The following SATB2 variants were observed in gnomAD, a reference collection of about 807,000 sequenced individuals.
SATB2 encodes DNA-binding protein SATB2.
Under a neutral mutation model 73.4 loss-of-function variants are expected in SATB2, and 1 was observed. The ratio of observed to expected loss-of-function variants is 0.01; its 90% CI spans 0.00 to 0.06. The LOEUF (loss-of-function observed/expected upper bound fraction) is 0.06, where lower values mean the gene tolerates loss of function less well. Ranked by LOEUF, SATB2 falls within the 10% of genes least tolerant of loss-of-function variation. The pLI, the probability that SATB2 is intolerant of heterozygous loss-of-function variation, is 1.00. For missense variants in SATB2, 459 were observed against 945.8 expected (o/e 0.49, Z 6.75); for synonymous variants, 397 against 367.0 (o/e 1.08, Z -0.93).
chr2:199,424,100 T>C (rs1691256430), intron 3 of SATB2, among the ~76,000 whole-genome samples: 1 of 152,222 alleles, frequency 6.6e-6, no homozygotes, highest in African/African-American at 2.4e-5. Context: ...GGCAGACAGA[T>C]AGAGGAAGAA....
intron 5 of SATB2, among the ~76,000 whole-genome samples, chr2:199,369,482 GTTAATACAGTATGTTTGGGCCAACAT>G (rs1188379360): frequency 1.8e-4 from 28 of 152,128 alleles, no homozygotes; most frequent in East Asian, 5.8e-4. Flanking sequence ...CAGAGATGCA[GTTAATACAGTATGTTTGGGCCAACAT>G]TTGTGGCAGA....
At chr2:199,300,297 A>G (rs1053392507) in intron 10 of SATB2, among the ~76,000 whole-genome samples, 5 of 152,070 alleles carry the variant, frequency 3.3e-5, no homozygotes, top group African/African-American at 9.6e-5. Flanking sequence ...CAAATTCCAA[A>G]GCAATATTAA....
At chr2:199,437,176 G>C (rs907241614) in intron 2 of SATB2, among the ~76,000 whole-genome samples, 2 of 152,128 alleles carry the variant, frequency 1.3e-5, no homozygotes, top group Non-Finnish European at 2.9e-5. Context: ...ATCTAGTAGA[G>C]AACTTTGAAC....
intron 10 of SATB2, among the ~76,000 whole-genome samples, chr2:199,273,137 A>C (rs989940610): frequency 6.6e-6 from 1 of 152,212 alleles, no homozygotes; most frequent in Non-Finnish European, 1.5e-5. Context: ...TTCATCATCC[A>C]TAAAAGTAGG....
At chr2:199,395,915 T>G (rs1418738652) in intron 3 of SATB2, 1 of 152,198 alleles carries the variant, frequency 6.6e-6, no homozygotes, top group Non-Finnish European at 1.5e-5. Context: ...CGTATGTATT[T>G]TGGGTGTAGC....
Position 199,411,542 on chromosome 2 carries a change from G to A in SATB2, c.346+21796C>T, listed in dbSNP as rs1208672180. Among the ~76,000 whole-genome samples the A allele has an allele frequency of 2.0e-5, 3 of 152,172 alleles. No homozygotes were observed. In the East Asian group the frequency reaches 5.8e-4, roughly 29 times the overall value. ...TCCTCACAACATTATGAGGGTAGAT[G>A]TTATTTTTATTTACAGATAAACTGA... On this transcript the variant is annotated intron_variant, in intron 3 of 10. Transcript: ENST00000417098.
intron 7 of SATB2, among the ~76,000 whole-genome samples, chr2:199,339,461 G>A (rs893564642): frequency 6.6e-6 from 1 of 152,148 alleles, no homozygotes; most frequent in African/African-American, 2.4e-5. Context: ...AATCAAAAGA[G>A]GGTATATTAT....
rs564426509 is a variant in SATB2, at chr2:199,395,060, A to G, written c.347-13240T>C. 1.4e-4 allele frequency among the ~76,000 whole-genome samples: 21 copies of G among 152,292 alleles called. 1 individual carries two copies. The highest frequency in any genetic ancestry group is 5.1e-4 in the African/African-American group (21 of 41,566). Reference sequence around the variant, plus strand: ...AAAGCATGAAAATATTCACTAGGATAAGACTGATTTCCTTCATGTCTAATT... The same window carrying G: ...AAAGCATGAAAATATTCACTAGGATGAGACTGATTTCCTTCATGTCTAATT... On this transcript the variant is annotated intron_variant, in intron 3 of 10. Coordinates refer to ENST00000417098, the MANE Select transcript of SATB2 (RefSeq NM_001172509.2).
At chr2:199,292,751 T>C (rs933678415) in intron 10 of SATB2, among the ~76,000 whole-genome samples, 3 of 152,190 alleles carry the variant, frequency 2.0e-5, no homozygotes, top group African/African-American at 7.2e-5. Flanking sequence ...AAAGCAGTTA[T>C]ACATTGGGGA....
At chr2:199,392,765 C>T (rs143927256) in intron 3 of SATB2, among the ~76,000 whole-genome samples, 116 of 152,248 alleles carry the variant, frequency 7.6e-4, no homozygotes, top group African/African-American at 2.6e-3. Flanking sequence ...AACAAACTCC[C>T]CTGCCTGACT....
intron 10 of SATB2, among the ~76,000 whole-genome samples, chr2:199,300,284 T>C (rs1044410343): frequency 6.6e-6 from 1 of 150,568 alleles, no homozygotes; most frequent in East Asian, 2.0e-4. Context: ...AACCAGCACC[T>C]AACAAATTCC....
intron 2 of SATB2, among the ~76,000 whole-genome samples, chr2:199,454,314 A>C (rs1421094821): frequency 6.6e-6 from 1 of 152,144 alleles, no homozygotes; most frequent in Non-Finnish European, 1.5e-5. Context: ...TCTGTCCACA[A>C]AGGCCACTTT....
At position 199,272,710 on chromosome 2, in the gene SATB2, A is replaced by C; in HGVS notation, c.1741-38T>G. 1 of 1,574,810 alleles carries C rather than the reference A, an allele frequency of 6.3e-7. No individual in the cohort carries two copies. Among genetic ancestry groups the C allele is most frequent in the East Asian group, 2.2e-5 (1 of 44,682 alleles). The stretch of plus-strand genomic sequence containing the variant: ...AGAGAAAAAAATGAACACTGGACTC[A>C]TGATTTTACCTTTCCAAAACCATCA... On this transcript the variant is annotated intron_variant, in intron 10 of 10. Coordinates refer to ENST00000417098, the MANE Select transcript of SATB2 (RefSeq NM_001172509.2). This position sits in a 1 kb window ranked among gnomAD's most constrained non-coding sequence, Gnocchi z 6.7.
At chr2:199,325,713 G>C (rs1230747915) in intron 8 of SATB2, among the ~76,000 whole-genome samples, 1 of 152,008 alleles carries the variant, frequency 6.6e-6, no homozygotes, top group South Asian at 2.1e-4. Context: ...GGGCTAAGAC[G>C]AAACCCCTCA....
intron 2 of SATB2, among the ~76,000 whole-genome samples, chr2:199,453,188 T>C (rs1692179648): frequency 6.6e-6 from 1 of 152,174 alleles, no homozygotes; most frequent in South Asian, 2.1e-4. Flanking sequence ...TTTACCTCAC[T>C]GCTTATCAAA....
intron 7 of SATB2, among the ~76,000 whole-genome samples, chr2:199,332,966 C>T (rs1378748824): frequency 1.3e-5 from 2 of 152,024 alleles, no homozygotes; most frequent in Non-Finnish European, 1.5e-5. Flanking sequence ...GCCTGACATG[C>T]CACTCCTGAC....
intron 3 of SATB2, among the ~76,000 whole-genome samples, chr2:199,408,200 A>G (rs895821533): frequency 6.6e-6 from 1 of 152,180 alleles, no homozygotes; most frequent in Non-Finnish European, 1.5e-5. Context: ...AGACGCTTAT[A>G]AAATCTGTAG....
chr2:199,388,413 T>C (rs1313255608), intron 3 of SATB2, among the ~76,000 whole-genome samples: 1 of 152,182 alleles, frequency 6.6e-6, no homozygotes, highest in Non-Finnish European at 1.5e-5. Context: ...ATTTACTTCA[T>C]GAAGGCCTAC....
chr2:199,427,493 T>C (rs923288433), intron 3 of SATB2, among the ~76,000 whole-genome samples: 1 of 152,158 alleles, frequency 6.6e-6, no homozygotes, highest in African/African-American at 2.4e-5. Flanking sequence ...TTAGGAGTTA[T>C]GACAGTATTG....
Sources: allele counts gnomAD v4.1 joint callset (sites outside exome capture counted in the v4.1 genomes callset), GRCh38; gene constraint gnomAD v4.1.1; non-coding constraint Gnocchi (gnomAD v3.1); transcripts MANE v1.5; gene names NCBI Gene and HGNC (gene_info 2026-07-23, HGNC 2026-07-21).